TAFA5: variants seen among roughly 807,000 people sequenced by gnomAD.
The protein encoded by TAFA5 is chemokine-like protein TAFA-5.
A neutral mutation model predicts 15.3 loss-of-function variants in TAFA5; 6 were observed. The observed-to-expected ratio is 0.39, with a 90% CI of 0.21 to 0.77. The LOEUF is 0.77. Ranked by LOEUF, TAFA5 falls within the 30% of genes least tolerant of loss-of-function variation. TAFA5 has a pLI of 0.41. For synonymous variants in TAFA5, 103 were observed against 80.7 expected (o/e 1.28, Z -1.48); for missense variants, 161 against 193.1 (o/e 0.83, Z 0.98).
intron 3 of TAFA5, among the ~76,000 whole-genome samples, chr22:48,738,671 A>G (rs1930098678): frequency 6.6e-6 from 1 of 152,192 alleles, no homozygotes; most frequent in African/African-American, 2.4e-5. Context: ...TAAACGGGTT[A>G]TTTTAATTTA....
intron 2 of TAFA5, among the ~76,000 whole-genome samples, chr22:48,658,882 G>C (rs1009004076): frequency 3.9e-5 from 6 of 152,220 alleles, no homozygotes; most frequent in Admixed American, 3.9e-4. Flanking sequence ...TGTGCTGAGG[G>C]GTGTGGAGGG....
At chr22:48,670,320 A>G (rs188427807) in intron 2 of TAFA5, among the ~76,000 whole-genome samples, 1 of 152,196 alleles carries the variant, frequency 6.6e-6, no homozygotes, top group East Asian at 1.9e-4. Context: ...AGTCATTATG[A>G]ATTGGCTTAC....
intron 1 of TAFA5, among the ~76,000 whole-genome samples, chr22:48,498,898 A>G (rs1920938744): frequency 6.6e-6 from 1 of 152,098 alleles, no homozygotes; most frequent in African/African-American, 2.4e-5. Context: ...CAATACCAGC[A>G]GGGTGGCAAT....
chr22:48,555,178 C>T (rs1042325212), intron 1 of TAFA5, among the ~76,000 whole-genome samples: 6 of 152,168 alleles, frequency 3.9e-5, no homozygotes, highest in Admixed American at 6.5e-5. Flanking sequence ...CCGTGGATGC[C>T]GAGTGAAGGG....
At chr22:48,569,424 T>A (rs907267753) in intron 1 of TAFA5, among the ~76,000 whole-genome samples, 1 of 152,144 alleles carries the variant, frequency 6.6e-6, no homozygotes, top group Non-Finnish European at 1.5e-5. Context: ...TCTGGGCGCC[T>A]TGCTGTTTTG....
At chr22:48,665,948 C>G (rs79581738) in intron 2 of TAFA5, among the ~76,000 whole-genome samples, 1,794 of 152,280 alleles carry the variant, frequency 0.012, 39 homozygotes, top group African/African-American at 0.041. Flanking sequence ...CCCAACGCCC[C>G]CATCGCCCCC....
intron 1 of TAFA5, among the ~76,000 whole-genome samples, chr22:48,617,889 G>A (rs910030941): frequency 2.6e-5 from 4 of 152,174 alleles, no homozygotes; most frequent in African/African-American, 4.8e-5. Flanking sequence ...CTTACGTGGT[G>A]TGCCAGGGTG....
At chr22:48,617,378 T>A (rs1419040171) in intron 1 of TAFA5, among the ~76,000 whole-genome samples, 1 of 152,150 alleles carries the variant, frequency 6.6e-6, no homozygotes, top group Admixed American at 6.5e-5. Context: ...AGTGACACCT[T>A]GACTTTAGCC....
intron 1 of TAFA5, among the ~76,000 whole-genome samples, chr22:48,558,720 C>G (rs1923124250): frequency 6.6e-6 from 1 of 152,216 alleles, no homozygotes; most frequent in African/African-American, 2.4e-5. Context: ...CCAGCGAGGT[C>G]CAGTCAGGTT....
At chr22:48,633,041 A>G (rs1926289907) in intron 1 of TAFA5, among the ~76,000 whole-genome samples, 1 of 152,068 alleles carries the variant, frequency 6.6e-6, no homozygotes, top group Non-Finnish European at 1.5e-5. Flanking sequence ...TTTGGCGAGG[A>G]TGAGTGAGGG....
At chr22:48,547,835 C>T (rs1219079465) in intron 1 of TAFA5, among the ~76,000 whole-genome samples, 1 of 152,174 alleles carries the variant, frequency 6.6e-6, no homozygotes, top group African/African-American at 2.4e-5. Flanking sequence ...TGACGACTGC[C>T]GCTGCATTTC....
intron 2 of TAFA5, among the ~76,000 whole-genome samples, chr22:48,666,514 T>TGACTAGGTGA (rs1555897556): frequency 6.7e-6 from 1 of 148,458 alleles, no homozygotes; most frequent in South Asian, 2.2e-4. Flanking sequence ...TGACCAGGCG[T>TGACTAGGTGA]TACTGAGGCC....
intron 2 of TAFA5, among the ~76,000 whole-genome samples, chr22:48,675,737 G>A (rs968076385): frequency 7.9e-5 from 12 of 152,346 alleles, no homozygotes; most frequent in Admixed American, 2.0e-4. Flanking sequence ...GGGGAGCCCC[G>A]CCTGCTGGCT....
At position 48,563,363 on chromosome 22, in the gene TAFA5, G is replaced by A. The variant is rs112169361; in HGVS notation, c.112+73659G>A. Among the ~76,000 whole-genome samples, 14 of 152,318 alleles carry A rather than the reference G, an allele frequency of 9.2e-5. No homozygotes were observed. The South Asian group carries it at 1.0e-3, about 11-fold the overall frequency. On this transcript the variant is annotated intron_variant, in intron 1 of 3. Transcript: ENST00000402357. ...TCCTCCAGTGGGGACCACGGGGGCC[G>A]TTTCTCCCAGCTTCCGGTGGTCTGT...
intron 1 of TAFA5, among the ~76,000 whole-genome samples, chr22:48,519,042 G>A (rs978116141): frequency 3.3e-5 from 5 of 152,156 alleles, no homozygotes; most frequent in Non-Finnish European, 7.4e-5. Context: ...TCCACCCACC[G>A]GCTTTGACCT....
intron 1 of TAFA5, among the ~76,000 whole-genome samples, chr22:48,515,332 C>T (rs553311033): frequency 6.6e-6 from 1 of 152,352 alleles, no homozygotes; most frequent in Admixed American, 6.5e-5. Context: ...CAGGCAGCGT[C>T]CTCTCAGCAG....
At position 48,539,058 on chromosome 22, in the gene TAFA5, G is replaced by A. The variant is rs375913827; in HGVS notation, c.112+49354G>A. 5.9e-5 allele frequency: 14 copies of A among 235,346 alleles called. No individual in the cohort carries two copies. In the South Asian group the frequency reaches 7.7e-4, roughly 13 times the overall value. 14.6% of individuals were successfully genotyped at this position (235,346 alleles called of 1,614,324 possible). On this transcript the variant is annotated intron_variant, in intron 1 of 3. Coordinates refer to ENST00000402357, the MANE Select transcript of TAFA5 (RefSeq NM_001082967.3). ...GTGAGTTCACAGGGGGTGGGAGCCTGTGGGGTGGGCACTGGCTCGGTCTTC... is the reference window on the plus strand; with the variant it reads ...GTGAGTTCACAGGGGGTGGGAGCCTATGGGGTGGGCACTGGCTCGGTCTTC...
chr22:48,556,731 G>A (rs1226650671), intron 1 of TAFA5, among the ~76,000 whole-genome samples: 2 of 152,192 alleles, frequency 1.3e-5, no homozygotes, highest in Admixed American at 6.5e-5. Flanking sequence ...AGACAGGGAT[G>A]TGGGGTCCCC....
intron 1 of TAFA5, among the ~76,000 whole-genome samples, chr22:48,565,818 G>A (rs1378204455): frequency 2.0e-5 from 3 of 152,224 alleles, no homozygotes; most frequent in Non-Finnish European, 2.9e-5. Context: ...TCTCCTGATT[G>A]TTCCTTGCCT....
Sources: allele counts gnomAD v4.1 joint callset (sites outside exome capture counted in the v4.1 genomes callset), GRCh38; gene constraint gnomAD v4.1.1; transcripts MANE v1.5; gene names NCBI Gene and HGNC (gene_info 2026-07-23, HGNC 2026-07-21).